Variants in STPG4 observed in about 807,000 individuals in gnomAD.
STPG4 encodes the protein protein STPG4.
In STPG4, 41 loss-of-function variants were observed where a neutral mutation model predicts 31.5. That is an observed-to-expected ratio of 1.30 (90% confidence interval 1.01 to 1.69). The LOEUF is 1.69. Among genes scored for constraint, STPG4 ranks in the 40% most tolerant of loss-of-function variants. The probability of loss-of-function intolerance (pLI) is 0.00; values close to 1 mark genes in which losing one functional copy is unlikely to be tolerated. For missense variants in STPG4, 375 were observed against 293.4 expected, an observed-to-expected ratio of 1.28 and a Z score of -2.03; for synonymous variants, 141 against 103.0, an observed-to-expected ratio of 1.37 and a Z score of -2.24.
rs540857915 is a variant in STPG4 at position 47,087,119 on chromosome 2, G to T, written c.636C>A (p.Gly212=). ...GTCTTAAAGTTGTATATGCTCCTGG[G>T]CCTGGGGTTTTCTGAAAACAGAGCA... The part of the protein sequence containing the change: ...RFLPSCSKTP[G]PGAYTTLRQF... Residue 212 remains glycine, a synonymous_variant, in exon 7 of 7, where the codon GGC becomes GGA. Transcript: ENST00000445927. 2.6e-6 allele frequency: 4 copies of T among 1,551,642 alleles called. No homozygotes were observed. The African/African-American group carries it at 5.5e-5, about 21-fold the overall frequency.
chr2:47,137,064 C>A (rs1169458641), intron 3 of STPG4, among the ~76,000 whole-genome samples: 2 of 152,122 alleles, frequency 1.3e-5, no homozygotes, highest in African/African-American at 4.8e-5. Context: ...TTGCCTTTTT[C>A]CTGATCTTAG....
chr2:47,143,730 C>T (rs925143911), intron 3 of STPG4, among the ~76,000 whole-genome samples: 10 of 151,776 alleles, frequency 6.6e-5, no homozygotes, highest in Admixed American at 3.3e-4. Context: ...CCTCATGATC[C>T]GCCTGCCTCG....
chr2:47,117,802 G>C (rs950927492), intron 5 of STPG4, among the ~76,000 whole-genome samples: 2 of 152,164 alleles, frequency 1.3e-5, no homozygotes. Flanking sequence ...TGGAACAGAT[G>C]AAAGAACTTG....
At chr2:47,091,567 A>C (rs1242978237) in intron 5 of STPG4, among the ~76,000 whole-genome samples, 1 of 152,212 alleles carries the variant, frequency 6.6e-6, no homozygotes, top group Non-Finnish European at 1.5e-5. Flanking sequence ...AACAGAAATA[A>C]GTGTTTTTCT....
intron 5 of STPG4, among the ~76,000 whole-genome samples, chr2:47,126,980 C>G (rs1187289221): frequency 6.6e-6 from 1 of 151,896 alleles, no homozygotes; most frequent in East Asian, 1.9e-4. Flanking sequence ...TTATTAATGT[C>G]TTGAGGTGGT....
At chr2:47,107,248 C>T (rs1269524891) in intron 5 of STPG4, among the ~76,000 whole-genome samples, 1 of 152,090 alleles carries the variant, frequency 6.6e-6, no homozygotes, top group South Asian at 2.1e-4. Flanking sequence ...AAGGCCAGAG[C>T]CGGCTCCCTC....
chr2:47,155,228 G>A lies in STPG4; in HGVS notation c.24C>T (p.Thr8=), dbSNP rs774957695. 1.4e-5 allele frequency: 22 copies of A among 1,614,150 alleles called. No individual in the cohort carries two copies. In the East Asian group the frequency reaches 2.2e-4, roughly 16 times the overall value. MDQPAVA[T]ASTSIREDLV... The stretch of plus-strand genomic sequence containing the variant: ...GGTCTTCCCTTATTGAGGTGGAAGC[G>A]GTGGCGACGGCTGGCTGGTCCATGG... The change falls in exon 1 of 7, where the codon ACC becomes ACT. Residue 8 remains threonine, a synonymous_variant. Transcript: ENST00000445927.
chr2:47,098,531 G>A (rs1204386531), intron 5 of STPG4, among the ~76,000 whole-genome samples: 2 of 152,096 alleles, frequency 1.3e-5, no homozygotes, highest in Non-Finnish European at 2.9e-5. Flanking sequence ...TAAAGCTAAA[G>A]GGAGTCTAGA....
intron 3 of STPG4, among the ~76,000 whole-genome samples, chr2:47,143,176 C>A (rs1686751515): frequency 6.6e-6 from 1 of 152,118 alleles, no homozygotes; most frequent in African/African-American, 2.4e-5. Flanking sequence ...ATGGGTGTAT[C>A]ATTTTCTAAC....
intron 5 of STPG4, among the ~76,000 whole-genome samples, chr2:47,118,591 A>AC (rs1686198609): frequency 6.6e-6 from 1 of 152,188 alleles, no homozygotes; most frequent in African/African-American, 2.4e-5. Flanking sequence ...TGGTGCCAAA[A>AC]AGGTTGGGGA....
intron 5 of STPG4, among the ~76,000 whole-genome samples, chr2:47,092,799 GTTT>G (rs34105765): frequency 4.7e-5 from 7 of 148,694 alleles, no homozygotes; most frequent in Admixed American, 6.7e-5. Flanking sequence ...CCACGGTTCT[GTTT>G]TTTTTTTTTT....
chr2:47,130,058 A>G (rs1686445494), intron 4 of STPG4, 63 bp from the exon 5 acceptor site: 3 of 1,482,872 alleles, frequency 2.0e-6, no homozygotes, highest in Non-Finnish European at 2.8e-6. Flanking sequence ...ATCTTTGTTA[A>G]CTTATTCCCT....
At chr2:47,115,909 C>T (rs906376186) in intron 5 of STPG4, among the ~76,000 whole-genome samples, 1 of 152,170 alleles carries the variant, frequency 6.6e-6, no homozygotes, top group Admixed American at 6.5e-5. Flanking sequence ...CTGCCTCGGG[C>T]TTCCAAATTG....
chr2:47,113,345 T>C (rs555771138), intron 5 of STPG4, among the ~76,000 whole-genome samples: 29 of 152,282 alleles, frequency 1.9e-4, no homozygotes, highest in East Asian at 7.7e-4. Context: ...CTCTTAACTA[T>C]ATAGAGTTTA....
At position 47,151,292 on chromosome 2, in the gene STPG4, C is replaced by T. The variant is rs144624578; in HGVS notation, c.365G>A (p.Arg122Gln). Residue 122 changes from arginine (R) to glutamine (Q), a missense_variant, in exon 3 of 7, where the codon CGG becomes CAG. By Grantham distance (43) the Arg-to-Gln change is conservative. Transcript: ENST00000445927. ...GTCAACTAGTGTGCTGGGGCTTGGCCGTGGTTTGTCTTTGAATGAGTAAGT... is the reference window on the plus strand; with the variant it reads ...GTCAACTAGTGTGCTGGGGCTTGGCTGTGGTTTGTCTTTGAATGAGTAAGT... ...VATYSFKDKP[R>Q]PSPSTLVDKD... The T allele has an allele frequency of 4.2e-5, 67 of 1,614,050 alleles. No individual in the cohort carries two copies. Among genetic ancestry groups the T allele is most frequent in the African/African-American group, 2.0e-4 (15 of 74,900 alleles).
intron 5 of STPG4, among the ~76,000 whole-genome samples, chr2:47,127,658 T>C (rs1686392462): frequency 6.6e-6 from 1 of 152,186 alleles, no homozygotes; most frequent in Admixed American, 6.5e-5. Context: ...ATTTTTCAGC[T>C]CCAGAGTATC....
At chr2:47,099,453 T>C (rs950315522) in intron 5 of STPG4, among the ~76,000 whole-genome samples, 1 of 152,258 alleles carries the variant, frequency 6.6e-6, no homozygotes, top group African/African-American at 2.4e-5. Flanking sequence ...CCAGATGCTT[T>C]GCTAACAGTA....
chr2:47,093,681 C>T (rs1685617096), intron 5 of STPG4, among the ~76,000 whole-genome samples: 1 of 152,226 alleles, frequency 6.6e-6, no homozygotes, highest in Non-Finnish European at 1.5e-5. Context: ...GCATGGCCAT[C>T]CCATCCAGCA....
At chr2:47,107,639 C>A (rs922717709) in intron 5 of STPG4, among the ~76,000 whole-genome samples, 2 of 152,102 alleles carry the variant, frequency 1.3e-5, no homozygotes, top group Non-Finnish European at 2.9e-5. Flanking sequence ...CCAGTCCCAT[C>A]GACACCCAAG....
Sources: gnomAD v4.1 joint callset for allele counts (sites outside exome capture counted in the v4.1 genomes callset) on GRCh38, gnomAD v4.1.1 for gene constraint, MANE v1.5 for transcripts, NCBI Gene and HGNC (gene_info 2026-07-23, HGNC 2026-07-21) for gene names.